Variants in GNB4 observed in about 807,000 individuals in gnomAD.
GNB4 encodes the protein guanine nucleotide-binding protein subunit beta-4.
A neutral mutation model predicts 45.2 loss-of-function variants in GNB4; 28 were observed. That is an observed-to-expected ratio of 0.62 (90% CI 0.46 to 0.85). The LOEUF (loss-of-function observed/expected upper bound fraction) is 0.85, where lower values mean the gene tolerates loss of function less well. Among genes scored for constraint, GNB4 ranks in the 40% least tolerant of loss-of-function variants. The probability of loss-of-function intolerance (pLI) is 0.00; values close to 1 mark genes in which losing one functional copy is unlikely to be tolerated. For synonymous variants in GNB4, 132 were observed against 143.7 expected, an observed-to-expected ratio of 0.92 and a Z score of 0.58; for missense variants, 321 against 425.4, an observed-to-expected ratio of 0.75 and a Z score of 2.16.
chr3:179,408,339 C>G (rs1481042138), intron 8 of GNB4, among the ~76,000 whole-genome samples: 1 of 151,996 alleles, frequency 6.6e-6, no homozygotes. Context: ...CATATGAAGG[C>G]AAAGCAATAG....
the GNB4 span, among the ~76,000 whole-genome samples, chr3:179,456,798 A>C: frequency 7.3e-6 from 1 of 136,768 alleles, no homozygotes; most frequent in Non-Finnish European, 1.5e-5. Context: ...TTTTGAGATT[A>C]TCATATAAGT....
At chr3:179,500,989 T>C in the GNB4 span, among the ~76,000 whole-genome samples, 1 of 152,216 alleles carries the variant, frequency 6.6e-6, no homozygotes, top group Non-Finnish European at 1.5e-5. Flanking sequence ...GCTGAGATGA[T>C]GGGGTTTTCT....
intron 3 of GNB4, among the ~76,000 whole-genome samples, chr3:179,420,096 CTATACATACATATATA>C (rs1355720965): frequency 6.0e-5 from 9 of 150,784 alleles, no homozygotes; most frequent in Admixed American, 5.3e-4. Flanking sequence ...CTATATGAAT[CTATACATACATATATA>C]TATACATACA....
rs1395850496 is a variant in GNB4 at position 179,397,950 on chromosome 3, T to TG, written c.*3262dup. 6.6e-6 allele frequency: 1 copy of TG among 151,708 alleles called. No homozygotes were observed. The highest frequency in any genetic ancestry group is 1.5e-5 in the Non-Finnish European group (1 of 67,920). 9.4% of individuals were successfully genotyped at this position (151,708 alleles called of 1,614,324 possible). A position where few individuals can be genotyped will look rare whatever the true frequency, so the allele number is the denominator to read the frequency against. On this transcript the variant is annotated 3_prime_UTR_variant, in exon 10 of 10. Transcript: ENST00000232564. Reference sequence around the variant, plus strand: ...TTCACCATCTTGGCCAGGCTGGTCTTGAACTCCTGACCTCGTGATCCACCT... The same window carrying TG: ...TTCACCATCTTGGCCAGGCTGGTCTTGGAACTCCTGACCTCGTGATCCACCT...
At chr3:179,425,709 G>T (rs1317107713) in intron 2 of GNB4, among the ~76,000 whole-genome samples, 1 of 152,076 alleles carries the variant, frequency 6.6e-6, no homozygotes, top group African/African-American at 2.4e-5. Flanking sequence ...GACCTCAGGT[G>T]ATCCACCTGC....
chr3:179,450,252 G>A lies in GNB4; in HGVS notation c.-43+1094C>T, dbSNP rs1473138579. ...AGTAGTAAACCAAAAGCCCCAAACT[G>A]AAGAGTATTAAAATGAACAATGGCA... is the stretch of plus-strand genomic sequence containing the variant. On this transcript the variant is annotated intron_variant, in intron 1 of 9. Coordinates refer to ENST00000232564, the MANE Select transcript of GNB4 (RefSeq NM_021629.4). Among the ~76,000 whole-genome samples, 4 of 152,118 alleles carry A rather than the reference G, an allele frequency of 2.6e-5. No homozygotes were observed. In the South Asian group the frequency reaches 6.2e-4, roughly 24 times the overall value.
At chr3:179,492,319 C>G in the GNB4 span, among the ~76,000 whole-genome samples, 1 of 152,178 alleles carries the variant, frequency 6.6e-6, no homozygotes, top group Non-Finnish European at 1.5e-5. Context: ...GGAGCAACCA[C>G]TGCATCCCCA....
In GNB4 at chr3:179,399,900, T is replaced by C. The variant is rs1714235132; in HGVS notation, c.*1313A>G. ...GTAAAAGAGAATCCAACAGGAAAAG[T>C]ATCTTTAACTTGGTCGTGGGGGACT... On this transcript the variant is annotated 3_prime_UTR_variant, in exon 10 of 10. Transcript: ENST00000232564. 6.6e-6 allele frequency: 1 copy of C among 152,244 alleles called. No individual in the cohort carries two copies. The highest frequency in any genetic ancestry group is 2.4e-5 in the African/African-American group (1 of 41,468). 9.4% of individuals were successfully genotyped at this position (152,244 alleles called of 1,614,324 possible).
the GNB4 span, among the ~76,000 whole-genome samples, chr3:179,475,417 C>T: frequency 2.1e-3 from 325 of 151,784 alleles, no homozygotes; most frequent in Middle Eastern, 6.9e-3. Context: ...CCACACCTGG[C>T]CCAAACTCGC....
At chr3:179,406,548 C>G (rs1714474738) in intron 8 of GNB4, among the ~76,000 whole-genome samples, 1 of 152,100 alleles carries the variant, frequency 6.6e-6, no homozygotes, top group Admixed American at 6.5e-5. Context: ...GCGTTTTCAT[C>G]TTGAATTTTC....
At chr3:179,459,201 A>G in the GNB4 span, among the ~76,000 whole-genome samples, 7 of 152,188 alleles carry the variant, frequency 4.6e-5, no homozygotes. Flanking sequence ...CCAAGCTACC[A>G]CAGTAGCTAG....
At chr3:179,482,091 C>T in the GNB4 span, among the ~76,000 whole-genome samples, 21 of 151,956 alleles carry the variant, frequency 1.4e-4, no homozygotes, top group Non-Finnish European at 2.4e-4. Context: ...TTTGTAGAGA[C>T]GGGGTTTGGC....
the GNB4 span, among the ~76,000 whole-genome samples, chr3:179,506,781 C>A: frequency 6.6e-6 from 1 of 152,088 alleles, no homozygotes; most frequent in East Asian, 1.9e-4. Context: ...CTTTGTTATT[C>A]TCTCTCTCAT....
the GNB4 span, among the ~76,000 whole-genome samples, chr3:179,459,094 A>T: frequency 6.6e-6 from 1 of 152,210 alleles, no homozygotes; most frequent in Non-Finnish European, 1.5e-5. Context: ...GGCTCAGAGA[A>T]TTGAGCATCT....
chr3:179,459,609 G>A, the GNB4 span, among the ~76,000 whole-genome samples: 1 of 151,812 alleles, frequency 6.6e-6, no homozygotes, highest in East Asian at 1.9e-4. Context: ...TTGAACCTGG[G>A]AGGCAGAGGA....
upstream of GNB4, among the ~76,000 whole-genome samples, chr3:179,452,849 G>GC (rs1302917334): frequency 2.0e-5 from 3 of 152,100 alleles, no homozygotes; most frequent in Non-Finnish European, 4.4e-5. Flanking sequence ...TGAGTGTTTT[G>GC]CATCTGTAAC....
In GNB4 at chr3:179,401,147, A is replaced by G; in HGVS notation, c.*66T>C. 9.6e-7 allele frequency: 1 copy of G among 1,041,958 alleles called. No individual in the cohort carries two copies. The highest frequency in any genetic ancestry group is 2.0e-5 in the South Asian group (1 of 50,726). The allele number at this position is 1,041,958 out of a possible 1,614,324, so 64.5% of individuals were successfully genotyped here. A position where few individuals can be genotyped will look rare whatever the true frequency, so the allele number is the denominator to read the frequency against. On this transcript the variant is annotated 3_prime_UTR_variant, in exon 10 of 10. Transcript: ENST00000232564. ...TGCAAATATAAGGTAGAATTTTTTC[A>G]CAGCTATAGGCTGTAGCATTGATTT...
chr3:179,409,843 A>G (rs1379484616), intron 8 of GNB4, among the ~76,000 whole-genome samples: 1 of 150,296 alleles, frequency 6.7e-6, no homozygotes, highest in African/African-American at 2.5e-5. Flanking sequence ...CAAAAAAAAA[A>G]CTAGAAAAAG....
the GNB4 span, among the ~76,000 whole-genome samples, chr3:179,516,448 A>G: frequency 6.6e-6 from 1 of 152,212 alleles, no homozygotes; most frequent in Non-Finnish European, 1.5e-5. Flanking sequence ...TTTCTGACTC[A>G]GGGAATGTGA....
Sources: gnomAD v4.1 joint callset for allele counts (sites outside exome capture counted in the v4.1 genomes callset) on GRCh38, gnomAD v4.1.1 for gene constraint, MANE v1.5 for transcripts, NCBI Gene and HGNC (gene_info 2026-07-23, HGNC 2026-07-21) for gene names.